Variants in MADCAM1 observed in about 807,000 individuals in gnomAD.
MADCAM1 encodes the protein mucosal addressin cell adhesion molecule 1.
Under a neutral mutation model 26.1 loss-of-function variants are expected in MADCAM1, and 19 were observed. That is an observed-to-expected ratio of 0.73 (90% CI 0.51 to 1.07). The LOEUF (loss-of-function observed/expected upper bound fraction) is 1.07, where lower values mean the gene tolerates loss of function less well. MADCAM1 is among the 50% of genes least tolerant of loss of function. MADCAM1 has a pLI of 0.00. For missense variants in MADCAM1, 514 were observed against 542.1 expected (o/e 0.95, Z 0.51); for synonymous variants, 268 against 260.9 (o/e 1.03, Z -0.26).
chr19:501,794 C>G lies in MADCAM1; in HGVS notation c.793C>G (p.Pro265Ala), dbSNP rs1476986014. The G allele has an allele frequency of 6.4e-7, 1 of 1,564,544 alleles. No homozygotes were observed. Among genetic ancestry groups the G allele is most frequent in the Non-Finnish European group, 8.7e-7 (1 of 1,155,158 alleles). ...TCCCGACACCACCTCCCCGGAGCCT[C>G]CCGACAAGACCTCCCCGGAGCCCGC... ...EPPDTTSPEP[P>A]DKTSPEPAPQ... is the part of the protein sequence containing the mutation. Residue 265 changes from proline (P) to alanine (A), a missense_variant, in exon 4 of 5, where the codon CCC (proline) becomes GCC (alanine). Physicochemically the swap from Pro to Ala is conservative, Grantham distance 27. Around this residue, in one of 3 missense-constraint regions of MADCAM1, gnomAD observed 45 missense variants for 91.8 expected, o/e 0.49. Coordinates refer to ENST00000215637, the MANE Select transcript of MADCAM1 (RefSeq NM_130760.3).
chr19:499,227 G>C, intron 3 of MADCAM1: 1 of 477,148 alleles, frequency 2.1e-6, no homozygotes, highest in East Asian at 6.4e-5. Context: ...TCCTGCCCCG[G>C]GGCCTTTGCA....
At chr19:499,973 A>T (rs1050206002) in intron 3 of MADCAM1, 1 of 329,784 alleles carries the variant, frequency 3.0e-6, no homozygotes, top group East Asian at 1.0e-4. Context: ...AAGCTGGGAG[A>T]CCCGGGAGGT....
rs1978297038 is a variant in MADCAM1, at chr19:498,486, T to G, written c.338-10T>G. Reference sequence around the variant, plus strand: ...TGGGCTCAGCCCTCACCCCCGACCCTCCATCACAGCCTTCCCGGACCAGCT... The same window carrying G: ...TGGGCTCAGCCCTCACCCCCGACCCGCCATCACAGCCTTCCCGGACCAGCT... On this transcript the variant is annotated splice_polypyrimidine_tract_variant and intron_variant, in intron 2 of 4. Coordinates refer to ENST00000215637, the MANE Select transcript of MADCAM1 (RefSeq NM_130760.3). 1 of 1,456,802 alleles carries G rather than the reference T, an allele frequency of 6.9e-7. No homozygotes were observed. Among genetic ancestry groups the G allele is most frequent in the East Asian group, 2.7e-5 (1 of 37,518 alleles). 90.2% of individuals were successfully genotyped at this position (1,456,802 alleles called of 1,614,324 possible).
At chr19:499,435 C>T (rs963568460) in intron 3 of MADCAM1, 8 of 404,142 alleles carry the variant, frequency 2.0e-5, no homozygotes, top group Non-Finnish European at 2.5e-5. Context: ...GACACACACA[C>T]GCGTGCACAC....
rs1008932769 is a variant in MADCAM1, at chr19:503,329, C to T, written c.928+1400C>T. ...GGGCACGGTGGCTTATGCCTGTAAT[C>T]CCTGCACTTTGGGAGGCCAAGGCGG... On this transcript the variant is annotated intron_variant, in intron 4 of 4. Coordinates refer to ENST00000215637, the MANE Select transcript of MADCAM1 (RefSeq NM_130760.3). 9.3e-4 allele frequency among the ~76,000 whole-genome samples: 138 copies of T among 148,968 alleles called. 2 individuals carry two copies. The highest frequency in any genetic ancestry group is 1.8e-3 in the Non-Finnish European group (120 of 67,664).
chr19:498,550 A>G lies in MADCAM1; in HGVS notation c.392A>G (p.Glu131Gly). 6.8e-7 allele frequency: 1 copy of G among 1,472,300 alleles called. No homozygotes were observed. 91.2% of individuals were successfully genotyped at this position (1,472,300 alleles called of 1,614,324 possible). ...GCAGCCCTGGTGCCTGGTGACCCGG[A>G]GGTGGCCTGTACGGCCCACAAAGTC... ...SPAALVPGDP[E>G]VACTAHKVTP... is the part of the protein sequence containing the mutation. Residue 131 changes from glutamate to glycine, a missense_variant, in exon 3 of 5, where the codon GAG (glutamate) becomes GGG (glycine). Physicochemically the swap from Glu to Gly is moderately conservative, Grantham distance 98 (BLOSUM62 -2). Coordinates refer to ENST00000215637, the MANE Select transcript of MADCAM1 (RefSeq NM_130760.3).
intron 4 of MADCAM1, among the ~76,000 whole-genome samples, chr19:504,050 A>G (rs1420584174): frequency 6.8e-6 from 1 of 148,138 alleles, no homozygotes; most frequent in African/African-American, 2.5e-5. Context: ...GCAAGATTCC[A>G]TTTCGAAAAA....
At chr19:500,644 G>A (rs1978317055) in intron 3 of MADCAM1, among the ~76,000 whole-genome samples, 1 of 152,168 alleles carries the variant, frequency 6.6e-6, no homozygotes, top group South Asian at 2.1e-4. Context: ...GCTGAGGTGG[G>A]TGGATCACGA....
chr19:498,825 G>A lies in MADCAM1; in HGVS notation c.667G>A (p.Val223Ile), dbSNP rs551406626. The A allele has an allele frequency of 8.5e-4, 1,117 of 1,307,552 alleles. No individual in the cohort carries two copies. The highest frequency in any genetic ancestry group is 3.3e-3 in the Middle Eastern group (15 of 4,596). 81.0% of individuals were successfully genotyped at this position (1,307,552 alleles called of 1,614,324 possible). A position where few individuals can be genotyped will look rare whatever the true frequency, so the allele number is the denominator to read the frequency against. Residue 223 changes from valine (V) to isoleucine (I), a missense_variant and splice_region_variant, in exon 3 of 5, where the codon GTC (valine) becomes ATC (isoleucine). Physicochemically the swap from Val to Ile is conservative, Grantham distance 29 (BLOSUM62 3). This residue lies in a region of MADCAM1 where 45 missense variants were observed against 91.8 expected (regional missense o/e 0.49). Transcript: ENST00000215637. The part of the protein sequence containing the change: ...LELSHRQAIP[V>I]LHSPTSPEPP... ...GCTCAGCCACCGCCAGGCCATCCCCGGTGAGTCCGCTGGGTGCCCTGGAGA... is the reference window on the plus strand; with the variant it reads ...GCTCAGCCACCGCCAGGCCATCCCCAGTGAGTCCGCTGGGTGCCCTGGAGA...
rs1367091603 is a variant in MADCAM1 at position 497,943 on chromosome 19, G to A, written c.163G>A (p.Gly55Arg). Reference protein sequence around the residue: ...LTCRLACADRGASVQWRGLDT... With the variant: ...LTCRLACADRRASVQWRGLDT... Reference sequence around the variant, plus strand: ...CTGCCGCCTGGCCTGCGCGGACCGCGGGGCCTCGGTGCAGTGGCGGGGCCT... The same window carrying A: ...CTGCCGCCTGGCCTGCGCGGACCGCAGGGCCTCGGTGCAGTGGCGGGGCCT... The change falls in exon 2 of 5, where the codon GGG becomes AGG. Residue 55 changes from glycine to arginine, a missense_variant. Coordinates refer to ENST00000215637, the MANE Select transcript of MADCAM1 (RefSeq NM_130760.3). 17 of 1,430,708 alleles carry A rather than the reference G, an allele frequency of 1.2e-5. No individual in the cohort carries two copies. The highest frequency in any genetic ancestry group is 1.5e-5 in the Non-Finnish European group (17 of 1,098,698). 88.6% of individuals were successfully genotyped at this position (1,430,708 alleles called of 1,614,324 possible). A position where few individuals can be genotyped will look rare whatever the true frequency, so the allele number is the denominator to read the frequency against.
In MADCAM1 at chr19:504,938, C is replaced by T. The variant is rs139350636; in HGVS notation, c.1122C>T (p.Thr374=). ...QVSAWAGLRG[T]GQVGISPS is the part of the protein sequence containing the mutation. ...CGGCCTGGGCTGGGTTAAGGGGGAC[C>T]GGCCAGGTCGGGATCAGCCCCTCCT... Residue 374 remains threonine (T), a synonymous_variant, in exon 5 of 5, where the codon ACC becomes ACT. Transcript: ENST00000215637. The T allele has an allele frequency of 1.2e-5, 19 of 1,602,278 alleles. No homozygotes were observed. Among genetic ancestry groups the T allele is most frequent in the Admixed American group, 8.4e-5 (5 of 59,756 alleles).
intron 2 of MADCAM1, 55 bp downstream of exon 2, chr19:498,172 C>A: frequency 7.7e-7 from 1 of 1,292,264 alleles, no homozygotes; most frequent in Non-Finnish European, 9.8e-7. Context: ...CGGCTCCTTC[C>A]CTATGCCACC....
Position 496,538 on chromosome 19 carries a change from G to A in MADCAM1, c.39G>A (p.Leu13=), listed in dbSNP as rs547485879. 5.0e-5 allele frequency: 65 copies of A among 1,305,870 alleles called. No individual in the cohort carries two copies. In the East Asian group the frequency reaches 1.4e-3, roughly 29 times the overall value. The allele number at this position is 1,305,870 out of a possible 1,614,324, so 80.9% of individuals were successfully genotyped here. The stretch of plus-strand genomic sequence containing the variant: ...TGGCCCTCCTGCTGGCGGGGCTTCT[G>A]GGGCTCCTCCTCGGTGAGAAGGGGA... ...FGLALLLAGL[L]GLLLGQSLQV... Residue 13 remains leucine (L), a synonymous_variant, in exon 1 of 5, where the codon CTG becomes CTA. Coordinates refer to ENST00000215637, the MANE Select transcript of MADCAM1 (RefSeq NM_130760.3).
At position 504,914 on chromosome 19, in the gene MADCAM1, G is replaced by C. The variant is rs143314648; in HGVS notation, c.1098G>C (p.Ser366=). Residue 366 remains serine, a synonymous_variant, in exon 5 of 5, where the codon TCG becomes TCC. Transcript: ENST00000215637. ...PASLRLLPQV[S]AWAGLRGTGQ... is the part of the protein sequence containing the mutation. ...CTCTGAGGCTTCTGCCCCAGGTGTC[G>C]GCCTGGGCTGGGTTAAGGGGGACCG... 1 of 1,612,230 alleles carries C rather than the reference G, an allele frequency of 6.2e-7. No homozygotes were observed. Among genetic ancestry groups the C allele is most frequent in the Admixed American group, 1.7e-5 (1 of 59,994 alleles).
intron 2 of MADCAM1, 40 bp from the exon 3 acceptor site, chr19:498,456 G>T (rs531096452): frequency 2.1e-6 from 3 of 1,433,828 alleles, no homozygotes; most frequent in East Asian, 2.7e-5. Context: ...GTCCAGCCCT[G>T]ACTCTGGGCT....
In MADCAM1 at chr19:498,535, T is replaced by G; in HGVS notation, c.377T>G (p.Val126Gly). Residue 126 changes from valine to glycine, a missense_variant, in exon 3 of 5, where the codon GTG (valine) becomes GGG (glycine). Val to Gly is a moderately radical substitution (Grantham distance 109). Coordinates refer to ENST00000215637, the MANE Select transcript of MADCAM1 (RefSeq NM_130760.3). ...DQLTVSPAAL[V>G]PGDPEVACTA... ...CTGACCGTCTCCCCAGCAGCCCTGGTGCCTGGTGACCCGGAGGTGGCCTGT... is the reference window on the plus strand; with the variant it reads ...CTGACCGTCTCCCCAGCAGCCCTGGGGCCTGGTGACCCGGAGGTGGCCTGT... The G allele has an allele frequency of 6.8e-7, 1 of 1,470,614 alleles. No individual in the cohort carries two copies. The highest frequency in any genetic ancestry group is 9.0e-7 in the Non-Finnish European group (1 of 1,116,232). The allele number at this position is 1,470,614 out of a possible 1,614,324, so 91.1% of individuals were successfully genotyped here.
Position 498,545 on chromosome 19 carries a change from C to A in MADCAM1, c.387C>A (p.Asp129Glu). ...TVSPAALVPG[D>E]PEVACTAHKV... ...CCCCAGCAGCCCTGGTGCCTGGTGA[C>A]CCGGAGGTGGCCTGTACGGCCCACA... Residue 129 changes from aspartate (D) to glutamate (E), a missense_variant, in exon 3 of 5, where the codon GAC becomes GAA. Around this residue, in one of 3 missense-constraint regions of MADCAM1, gnomAD observed 317 missense variants for 313.6 expected, o/e 1.01. Transcript: ENST00000215637. 6.8e-7 allele frequency: 1 copy of A among 1,471,872 alleles called. No individual in the cohort carries two copies. The highest frequency in any genetic ancestry group is 9.0e-7 in the Non-Finnish European group (1 of 1,116,784). 91.2% of individuals were successfully genotyped at this position (1,471,872 alleles called of 1,614,324 possible).
chr19:498,698 C>T lies in MADCAM1; in HGVS notation c.540C>T (p.Asp180=). The change falls in exon 3 of 5, where the codon GAC becomes GAT. Residue 180 remains aspartate (D), a synonymous_variant. Coordinates refer to ENST00000215637, the MANE Select transcript of MADCAM1 (RefSeq NM_130760.3). ...EEEEEPQGDE[D]VLFRVTERWR... ...AGGAGGAGCCCCAGGGGGACGAGGA[C>T]GTGCTGTTCAGGGTGACAGAGCGCT... The T allele has an allele frequency of 1.4e-6, 2 of 1,447,804 alleles. No homozygotes were observed. Among genetic ancestry groups the T allele is most frequent in the Non-Finnish European group, 9.1e-7 (1 of 1,104,204 alleles). The allele number at this position is 1,447,804 out of a possible 1,614,324, so 89.7% of individuals were successfully genotyped here. A position where few individuals can be genotyped will look rare whatever the true frequency, so the allele number is the denominator to read the frequency against.
rs1371803189 is a variant in MADCAM1 at position 498,012 on chromosome 19, G to A, written c.232G>A (p.Val78Ile). The change falls in exon 2 of 5, where the codon GTC becomes ATC. Residue 78 changes from valine (V) to isoleucine (I), a missense_variant. Val to Ile is a conservative substitution (Grantham distance 29). Transcript: ENST00000215637. ...GAVQSDTGRSVLTVRNASLSA... is the reference protein window; with the variant it reads ...GAVQSDTGRSILTVRNASLSA... ...GGTGCAGTCGGACACGGGCCGCAGC[G>A]TCCTCACCGTGCGCAACGCCTCGCT... 4 of 1,503,190 alleles carry A rather than the reference G, an allele frequency of 2.7e-6. No homozygotes were observed. In the Admixed American group the frequency reaches 8.4e-5, roughly 31 times the overall value. The allele number at this position is 1,503,190 out of a possible 1,614,324, so 93.1% of individuals were successfully genotyped here.
Sources: allele counts gnomAD v4.1 joint callset (sites outside exome capture counted in the v4.1 genomes callset), GRCh38; gene constraint gnomAD v4.1.1; regional missense constraint gnomAD v4.1.1; transcripts MANE v1.5; gene names NCBI Gene and HGNC (gene_info 2026-07-23, HGNC 2026-07-21).